The following TANGO6 variants were observed in gnomAD, a reference collection of about 807,000 sequenced individuals.
TANGO6 encodes transport and golgi organization 6 homolog.
A neutral mutation model predicts 114.2 loss-of-function variants in TANGO6; 90 were observed. The observed-to-expected ratio is 0.79, with a 90% confidence interval of 0.66 to 0.94. The LOEUF (loss-of-function observed/expected upper bound fraction) is 0.94. Among genes scored for constraint, TANGO6 ranks in the 40% least tolerant of loss-of-function variants. The probability of loss-of-function intolerance (pLI) is 0.00; values close to 1 mark genes in which losing one functional copy is unlikely to be tolerated. For missense variants in TANGO6, 1,274 were observed against 1,315.3 expected (o/e 0.97, Z 0.49); for synonymous variants, 477 against 509.8 (o/e 0.94, Z 0.87).
intron 14 of TANGO6, among the ~76,000 whole-genome samples, chr16:68,972,638 T>C (rs1400426105): frequency 2.0e-5 from 3 of 152,270 alleles, no homozygotes; most frequent in Non-Finnish European, 4.4e-5. Context: ...CTTCTAGGCA[T>C]TGGGGATACA....
At chr16:68,925,691 G>A (rs1462401054) in intron 12 of TANGO6, among the ~76,000 whole-genome samples, 1 of 151,982 alleles carries the variant, frequency 6.6e-6, no homozygotes, top group Admixed American at 6.6e-5. Flanking sequence ...TTGCTTTTAA[G>A]AGGTCATCTC....
intron 15 of TANGO6, among the ~76,000 whole-genome samples, chr16:69,011,200 A>C (rs984545748): frequency 6.6e-6 from 1 of 152,120 alleles, no homozygotes; most frequent in Non-Finnish European, 1.5e-5. Context: ...AAATGAAGAG[A>C]GCAGTTAGGA....
At chr16:69,045,847 C>T (rs1482228556) in intron 17 of TANGO6, among the ~76,000 whole-genome samples, 1 of 151,588 alleles carries the variant, frequency 6.6e-6, no homozygotes, top group Non-Finnish European at 1.5e-5. Flanking sequence ...GGGTGGATCA[C>T]GAGGTCAGGA....
chr16:69,020,766 A>C (rs987665292), intron 15 of TANGO6, among the ~76,000 whole-genome samples: 2 of 152,050 alleles, frequency 1.3e-5, no homozygotes, highest in African/African-American at 4.8e-5. Context: ...GCGCGATGGC[A>C]TACACCTGTC....
intron 7 of TANGO6, among the ~76,000 whole-genome samples, chr16:68,894,284 TGTAAATAGG>T (rs1190646287): frequency 4.0e-5 from 6 of 151,472 alleles, no homozygotes; most frequent in Non-Finnish European, 5.9e-5. Context: ...ACTTTGGGAG[TGTAAATAGG>T]GTAAATAGGG....
rs993685091 is a variant in TANGO6 at position 68,859,948 on chromosome 16, C to A, written c.159C>A (p.Asn53Lys). ...HDVLLATLKS[N>K]LSALEDKFLK... ...TCTTGTTGGCTACTTTAAAATCTAA[C>A]CTGTCTGCTTTGGAGGACAAGTTTC... is the stretch of plus-strand genomic sequence containing the variant. Residue 53 changes from asparagine to lysine, a missense_variant, in exon 2 of 18, where the codon AAC (asparagine) becomes AAA (lysine). Physicochemically the swap from Asn to Lys is moderately conservative, Grantham distance 94. Around this residue, in one of 5 missense-constraint regions of TANGO6, gnomAD observed 114 missense variants for 104.6 expected, o/e 1.09. Transcript: ENST00000261778. 6.2e-7 allele frequency: 1 copy of A among 1,611,264 alleles called. No homozygotes were observed.
At chr16:69,031,394 T>C in intron 16 of TANGO6, among the ~76,000 whole-genome samples, 1 of 151,982 alleles carries the variant, frequency 6.6e-6, no homozygotes, top group Non-Finnish European at 1.5e-5. Flanking sequence ...CTAGTTCCTA[T>C]GTGTTTCAAT....
chr16:68,904,568 G>T (rs1962825165), intron 9 of TANGO6, among the ~76,000 whole-genome samples: 1 of 152,122 alleles, frequency 6.6e-6, no homozygotes, highest in African/African-American at 2.4e-5. Context: ...ATTAGTAATT[G>T]TACTTTTCAA....
intron 17 of TANGO6, among the ~76,000 whole-genome samples, chr16:69,043,876 A>G (rs773459227): frequency 2.2e-4 from 33 of 152,258 alleles, no homozygotes; most frequent in African/African-American, 6.7e-4. Flanking sequence ...TTGCTTGTGG[A>G]TGCGTCAGCC....
chr16:68,902,511 C>T lies in TANGO6; in HGVS notation c.1667+7C>T, dbSNP rs1225213408. The T allele has an allele frequency of 6.2e-7, 1 of 1,604,222 alleles. No homozygotes were observed. Among genetic ancestry groups the T allele is most frequent in the African/African-American group, 1.3e-5 (1 of 74,426 alleles). On this transcript the variant is annotated splice_region_variant and intron_variant, in intron 9 of 17. Transcript: ENST00000261778. ...CCATCAAAGAGGCCATTAGGTGAGT[C>T]CACCCATCCGTTACTGTTCTCTTCA...
intron 16 of TANGO6, among the ~76,000 whole-genome samples, chr16:69,040,054 C>T (rs2152234196): frequency 6.6e-6 from 1 of 152,298 alleles, no homozygotes; most frequent in East Asian, 1.9e-4. Context: ...ATATACAGTA[C>T]ACATATTCCT....
chr16:69,032,875 C>CAAA (rs11300295), intron 16 of TANGO6, among the ~76,000 whole-genome samples: 2 of 124,116 alleles, frequency 1.6e-5, no homozygotes, highest in Non-Finnish European at 1.7e-5. Context: ...GACTCCATCT[C>CAAA]AAAAAAAAAA....
intron 5 of TANGO6, among the ~76,000 whole-genome samples, chr16:68,876,118 TACAC>T (rs1273361010): frequency 2.0e-5 from 3 of 152,164 alleles, no homozygotes; most frequent in African/African-American, 7.2e-5. Flanking sequence ...TGTATGTGCA[TACAC>T]ACATACATTA....
At chr16:69,054,890 G>A (rs996145463) in intron 17 of TANGO6, among the ~76,000 whole-genome samples, 5 of 136,690 alleles carry the variant, frequency 3.7e-5, no homozygotes, top group South Asian at 5.0e-4. Context: ...GCAGTGAGCC[G>A]AGATCAAGCC....
intron 13 of TANGO6, among the ~76,000 whole-genome samples, chr16:68,930,016 G>A (rs1386348331): frequency 6.6e-6 from 1 of 152,128 alleles, no homozygotes; most frequent in African/African-American, 2.4e-5. Flanking sequence ...ACTACTGCTG[G>A]AAGAATACAA....
In TANGO6 at chr16:68,860,313, T is replaced by C; in HGVS notation, c.524T>C (p.Phe175Ser). The C allele has an allele frequency of 6.2e-7, 1 of 1,613,928 alleles. No individual in the cohort carries two copies. Among genetic ancestry groups the C allele is most frequent in the South Asian group, 1.1e-5 (1 of 91,078 alleles). ...GTCCCTTTGAGATATAGAACTGAATTTGGTGCCGTCGTTCAAGACGTGGTG... is the reference window on the plus strand; with the variant it reads ...GTCCCTTTGAGATATAGAACTGAATCTGGTGCCGTCGTTCAAGACGTGGTG... ...VGVPLRYRTE[F>S]GAVVQDVVCF... The change falls in exon 2 of 18, where the codon TTT (phenylalanine) becomes TCT (serine). Residue 175 changes from phenylalanine (F) to serine (S), a missense_variant. Phe to Ser is a radical substitution (Grantham distance 155, BLOSUM62 -2). Coordinates refer to ENST00000261778, the MANE Select transcript of TANGO6 (RefSeq NM_024562.2).
At chr16:68,898,946 CTTATTA>C (rs143073228) in intron 7 of TANGO6, among the ~76,000 whole-genome samples, 22,370 of 144,870 alleles carry the variant, frequency 0.15, 1,705 homozygotes, top group Admixed American at 0.18. Context: ...AATTATCTGC[CTTATTA>C]TTATTATTAT....
At chr16:69,020,719 G>T (rs1959385882) in intron 15 of TANGO6, among the ~76,000 whole-genome samples, 1 of 152,074 alleles carries the variant, frequency 6.6e-6, no homozygotes, top group African/African-American at 2.4e-5. Flanking sequence ...GGGCAACATA[G>T]TGAGACCCTG....
intron 9 of TANGO6, among the ~76,000 whole-genome samples, chr16:68,906,708 T>C (rs2152184595): frequency 6.6e-6 from 1 of 152,134 alleles, no homozygotes; most frequent in East Asian, 1.9e-4. Flanking sequence ...CTCAGCCTCC[T>C]AGTGCACTAC....
Sources: gnomAD v4.1 joint callset for allele counts (sites outside exome capture counted in the v4.1 genomes callset) on GRCh38, gnomAD v4.1.1 for gene constraint, gnomAD v4.1.1 regional missense constraint, MANE v1.5 for transcripts, NCBI Gene and HGNC (gene_info 2026-07-23, HGNC 2026-07-21) for gene names.